SEM1: variants seen among roughly 807,000 people sequenced by gnomAD.
SEM1 encodes 26S proteasome complex subunit SEM1.
In SEM1, 3 loss-of-function variants were observed where a neutral mutation model predicts 12.7. The observed-to-expected ratio is 0.24, with a 90% confidence interval of 0.11 to 0.61. The LOEUF (loss-of-function observed/expected upper bound fraction) is 0.61. SEM1 is among the 20% of genes least tolerant of loss of function. The probability of loss-of-function intolerance (pLI) is 0.88; values close to 1 mark genes in which losing one functional copy is unlikely to be tolerated. For synonymous variants in SEM1, 30 were observed against 27.8 expected, an observed-to-expected ratio of 1.08 and a Z score of -0.25; for missense variants, 59 against 81.3, an observed-to-expected ratio of 0.73 and a Z score of 1.06.
chr7:96,544,438 G>C (rs77157938), intron 2 of SEM1, among the ~76,000 whole-genome samples: 1 of 151,902 alleles, frequency 6.6e-6, no homozygotes, highest in Non-Finnish European at 1.5e-5. Flanking sequence ...AGAGAAATAA[G>C]CTATTGCTTA....
intron 2 of SEM1, among the ~76,000 whole-genome samples, chr7:96,647,156 C>A (rs1199823133): frequency 4.6e-5 from 7 of 152,128 alleles, no homozygotes; most frequent in Non-Finnish European, 8.8e-5. Flanking sequence ...TACTTATGAA[C>A]TAAACGGTAT....
intron 2 of SEM1, among the ~76,000 whole-genome samples, chr7:96,639,346 T>C (rs946397747): frequency 6.6e-5 from 10 of 151,886 alleles, no homozygotes; most frequent in Admixed American, 2.0e-4. Flanking sequence ...CGTAAAGATA[T>C]AGTAATCAAA....
intron 2 of SEM1, among the ~76,000 whole-genome samples, chr7:96,592,226 G>GGA (rs1806851766): frequency 1.3e-5 from 2 of 151,828 alleles, no homozygotes; most frequent in East Asian, 3.9e-4. Context: ...CCGGGAAGAG[G>GGA]AGGGGTCTGT....
At chr7:96,707,612 G>C (rs1790507649) in intron 1 of SEM1, among the ~76,000 whole-genome samples, 1 of 152,084 alleles carries the variant, frequency 6.6e-6, no homozygotes, top group African/African-American at 2.4e-5. Context: ...TGAGTCTTTT[G>C]TCCTTAGAAA....
chr7:96,640,003 A>G lies in SEM1; in HGVS notation c.171-17360T>C, dbSNP rs1194222260. ...ATATCGTCAAATAAATGCAAATTAA[A>G]ACAGCAATACAATATCGCTACACAC... is the stretch of plus-strand genomic sequence containing the variant. On this transcript the variant is annotated intron_variant, in intron 2 of 2. Coordinates refer to the SEM1 transcript ENST00000417009. The surrounding 1 kb of genome is among the most constrained non-coding windows in gnomAD (Gnocchi z 4.0). 6.6e-6 allele frequency among the ~76,000 whole-genome samples: 1 copy of G among 152,020 alleles called. No homozygotes were observed. Among genetic ancestry groups the G allele is most frequent in the Non-Finnish European group, 1.5e-5 (1 of 67,934 alleles).
At chr7:96,652,347 T>C (rs1809026899) in intron 2 of SEM1, among the ~76,000 whole-genome samples, 2 of 152,072 alleles carry the variant, frequency 1.3e-5, no homozygotes, top group African/African-American at 4.8e-5. Context: ...ACATTAAGGA[T>C]GCAAATTATT....
rs1437758372 is a variant in SEM1 at position 96,632,777 on chromosome 7, G to GT, written c.171-10135dup. Among the ~76,000 whole-genome samples the GT allele has an allele frequency of 4.0e-3, 397 of 98,904 alleles. 2 individuals are homozygous for GT. The highest frequency in any genetic ancestry group is 0.012 in the African/African-American group (377 of 30,874). The allele number at this position is 98,904 out of a possible 152,430, so 64.9% of individuals were successfully genotyped here. On this transcript the variant is annotated intron_variant, in intron 2 of 2. Coordinates refer to the SEM1 transcript ENST00000417009. ...CTTATGAAGGTGGTTTTTTTTTGTT[G>GT]TTTTTTGTTTTTTTTTTTTTTTTGG...
intron 2 of SEM1, among the ~76,000 whole-genome samples, chr7:96,632,857 C>A (rs552941432): frequency 1.4e-5 from 2 of 145,626 alleles, no homozygotes; most frequent in East Asian, 4.1e-4. Context: ...TCGGTGGAGA[C>A]TTCTATTCTG....
chr7:96,535,796 T>C (rs1804769228), intron 2 of SEM1, among the ~76,000 whole-genome samples: 1 of 152,048 alleles, frequency 6.6e-6, no homozygotes, highest in African/African-American at 2.4e-5. Flanking sequence ...GATTTTTTAC[T>C]TTGTTACGGC....
chr7:96,482,583 T>G (rs1802586873), exon 4 of SEM1: 1 of 151,860 alleles, frequency 6.6e-6, no homozygotes. Flanking sequence ...AAAGAGATCT[T>G]CACTGACTGA....
At chr7:96,591,098 G>A (rs1806815566) in intron 2 of SEM1, among the ~76,000 whole-genome samples, 1 of 152,132 alleles carries the variant, frequency 6.6e-6, no homozygotes, top group African/African-American at 2.4e-5. Context: ...TGGCTTGTCA[G>A]GTGTTCCTGT....
intron 2 of SEM1, among the ~76,000 whole-genome samples, chr7:96,542,085 T>G (rs559136675): frequency 4.8e-4 from 73 of 151,510 alleles, no homozygotes; most frequent in Middle Eastern, 3.4e-3. Flanking sequence ...GCTCTTTTTT[T>G]GGGGGAGGGG....
exon 4 of SEM1, chr7:96,483,052 T>A (rs566770516): frequency 3.9e-5 from 6 of 152,328 alleles, no homozygotes; most frequent in Admixed American, 1.3e-4. Flanking sequence ...GAAAATGGCA[T>A]GGCTTTGTCC....
intron 2 of SEM1, among the ~76,000 whole-genome samples, chr7:96,681,086 GTAGTT>G (rs1393820065): frequency 3.3e-5 from 5 of 152,082 alleles, no homozygotes; most frequent in Admixed American, 2.6e-4. Flanking sequence ...GCAACTGCAT[GTAGTT>G]TAATCACTTT....
intron 2 of SEM1, among the ~76,000 whole-genome samples, chr7:96,614,208 A>G (rs539802515): frequency 1.3e-5 from 2 of 152,206 alleles, no homozygotes; most frequent in African/African-American, 4.8e-5. Flanking sequence ...CATTGTTTAC[A>G]TTTTGCCATG....
rs1178976150 is a variant in SEM1, at chr7:96,483,925, A to T, written c.321T>A (p.Cys107Ter). The T allele has an allele frequency of 1.3e-6, 2 of 1,536,534 alleles. No homozygotes were observed. Among genetic ancestry groups the T allele is most frequent in the African/African-American group, 2.7e-5 (2 of 72,998 alleles). ...CCGAATGGCAGCCAGGCAGGCAAGAACAATCTTCACAGTGCACCAAGGATG... is the reference window on the plus strand; with the variant it reads ...CCGAATGGCAGCCAGGCAGGCAAGATCAATCTTCACAGTGCACCAAGGATG... Residue 107 changes from cysteine (C) to a stop codon, truncating the protein, a stop_gained, in exon 4 of 4, where the codon TGT (cysteine) becomes TGA (stop). Coordinates refer to the SEM1 transcript ENST00000356686. LOFTEE classifies it high-confidence loss of function.
At chr7:96,673,623 A>T (rs1339090284) in exon 3 of SEM1, 3 of 638,620 alleles carry the variant, frequency 4.7e-6, no homozygotes, top group Non-Finnish European at 5.7e-6. Flanking sequence ...GAAATGCTGT[A>T]GCACCACCCC....
chr7:96,587,662 T>C (rs1806684532), intron 2 of SEM1, among the ~76,000 whole-genome samples: 1 of 136,036 alleles, frequency 7.4e-6, no homozygotes, highest in South Asian at 2.3e-4. Flanking sequence ...TGTTTTTTTT[T>C]TTTCCCCAGG....
chr7:96,522,482 T>C (rs1254881327), intron 2 of SEM1, among the ~76,000 whole-genome samples: 2 of 151,622 alleles, frequency 1.3e-5, no homozygotes, highest in Non-Finnish European at 2.9e-5. Flanking sequence ...TTTGCCTTCA[T>C]AGTTCTACAT....
Sources: allele counts gnomAD v4.1 joint callset (sites outside exome capture counted in the v4.1 genomes callset), GRCh38; gene constraint gnomAD v4.1.1; non-coding constraint Gnocchi (gnomAD v3.1); transcripts MANE v1.5; gene names NCBI Gene and HGNC (gene_info 2026-07-23, HGNC 2026-07-21).